Variants in LARP4B observed in about 807,000 individuals in gnomAD.
LARP4B encodes la-related protein 4B.
In LARP4B, 12 loss-of-function variants were observed where a neutral mutation model predicts 89.8. The observed-to-expected ratio is 0.13, with a 90% CI of 0.09 to 0.22. The LOEUF (loss-of-function observed/expected upper bound fraction) is 0.22, where lower values mean the gene tolerates loss of function less well. Ranked by LOEUF, LARP4B falls within the 10% of genes least tolerant of loss-of-function variation. The probability of loss-of-function intolerance (pLI) is 1.00; values close to 1 mark genes in which losing one functional copy is unlikely to be tolerated. For missense variants in LARP4B, 757 were observed against 947.7 expected, an observed-to-expected ratio of 0.80 and a Z score of 2.64; for synonymous variants, 367 against 363.3, an observed-to-expected ratio of 1.01 and a Z score of -0.12.
At chr10:912,708 CAAA>C (rs60998261) in intron 1 of LARP4B, among the ~76,000 whole-genome samples, 5 of 91,244 alleles carry the variant, frequency 5.5e-5, no homozygotes, top group Non-Finnish European at 6.2e-5. Context: ...CTCGTCTTGA[CAAA>C]AAAAAAAAAA....
chr10:862,692 G>A (rs548428189), intron 5 of LARP4B, among the ~76,000 whole-genome samples: 123 of 152,072 alleles, frequency 8.1e-4, no homozygotes, highest in African/African-American at 2.8e-3. Context: ...CTCAGTAGGC[G>A]GAGCTTGCAG....
chr10:884,713 T>A (rs1044442112), intron 2 of LARP4B, among the ~76,000 whole-genome samples: 1 of 152,166 alleles, frequency 6.6e-6, no homozygotes, highest in African/African-American at 2.4e-5. Flanking sequence ...TCTTTGTAGA[T>A]TCAATGGGGA....
At chr10:980,503 C>A in the LARP4B span, among the ~76,000 whole-genome samples, 1 of 152,220 alleles carries the variant, frequency 6.6e-6, no homozygotes. Flanking sequence ...TGGAGGCCAC[C>A]AAGAGTTCTT....
chr10:852,954 G>C (rs1834129504), intron 5 of LARP4B, among the ~76,000 whole-genome samples: 2 of 152,174 alleles, frequency 1.3e-5, no homozygotes, highest in African/African-American at 4.8e-5. Flanking sequence ...ACTTCTGAGA[G>C]AAATTAAAGA....
chr10:910,260 G>T (rs1836632375), intron 1 of LARP4B, among the ~76,000 whole-genome samples: 1 of 152,172 alleles, frequency 6.6e-6, no homozygotes, highest in Non-Finnish European at 1.5e-5. Flanking sequence ...CTAATGGGGT[G>T]TATACTCAGA....
At position 900,420 on chromosome 10, in the gene LARP4B, C is replaced by CTTTTTTTTTTTTTTTTTTTT. The variant is rs529963345; in HGVS notation, c.-39-14680_-39-14661dup. ...ATTCTAGGATCGGAAAGAAGGATGT[C>CTTTTTTTTTTTTTTTTTTTT]TTTTTTTTTTTTTTTTTTTTTTTTT... is the stretch of plus-strand genomic sequence containing the variant. On this transcript the variant is annotated intron_variant, in intron 1 of 17. Coordinates refer to ENST00000316157, the MANE Select transcript of LARP4B (RefSeq NM_015155.3). Among the ~76,000 whole-genome samples, 2 of 45,230 alleles carry CTTTTTTTTTTTTTTTTTTTT rather than the reference C, an allele frequency of 4.4e-5. 1 individual carries two copies. Among genetic ancestry groups the CTTTTTTTTTTTTTTTTTTTT allele is most frequent in the African/African-American group, 1.7e-4 (2 of 11,554 alleles). The allele number at this position is 45,230 out of a possible 152,430, so 29.7% of individuals were successfully genotyped here.
intron 1 of LARP4B, among the ~76,000 whole-genome samples, chr10:886,221 C>T (rs962554737): frequency 1.3e-5 from 2 of 152,096 alleles, no homozygotes; most frequent in African/African-American, 4.8e-5. Context: ...CGAAAAGGTG[C>T]TCGGCATCAC....
the LARP4B span, among the ~76,000 whole-genome samples, chr10:945,677 G>T: frequency 7.1e-6 from 1 of 140,004 alleles, no homozygotes; most frequent in Non-Finnish European, 1.5e-5. Flanking sequence ...AACAGAGCGA[G>T]ACTCCGTCTC....
intron 1 of LARP4B, among the ~76,000 whole-genome samples, chr10:907,334 G>A (rs1448109726): frequency 3.3e-5 from 5 of 152,086 alleles, no homozygotes; most frequent in South Asian, 2.1e-4. Flanking sequence ...TCCAAAGAAC[G>A]GCCTCTGCTG....
chr10:920,190 C>T lies in LARP4B; in HGVS notation c.-40+11238G>A, dbSNP rs529621294. Among the ~76,000 whole-genome samples, 14 of 152,320 alleles carry T rather than the reference C, an allele frequency of 9.2e-5. 1 individual carries two copies. The South Asian group carries it at 1.4e-3, about 16-fold the overall frequency. ...AGTAAACTCTGCAATTACAGTGCAA[C>T]GGGATGCTGGACTTAAAGAGGAGGC... On this transcript the variant is annotated intron_variant, in intron 1 of 17. Transcript: ENST00000316157.
chr10:969,235 A>G, the LARP4B span, among the ~76,000 whole-genome samples: 1 of 152,188 alleles, frequency 6.6e-6, no homozygotes, highest in Non-Finnish European at 1.5e-5. Flanking sequence ...AGGCAGTGAC[A>G]ACCTGTATTG....
the LARP4B span, among the ~76,000 whole-genome samples, chr10:975,163 GA>G: frequency 2.0e-5 from 3 of 152,358 alleles, no homozygotes. Context: ...TTACTTTCAT[GA>G]TTTTATAGGT....
chr10:861,007 T>C (rs1334657774), intron 5 of LARP4B, among the ~76,000 whole-genome samples: 1 of 151,968 alleles, frequency 6.6e-6, no homozygotes, highest in Non-Finnish European at 1.5e-5. Context: ...ATACAAACAA[T>C]TAGCCGGGTG....
At chr10:860,127 T>TGGGGGGGGG (rs60607691) in intron 5 of LARP4B, among the ~76,000 whole-genome samples, 23 of 96,140 alleles carry the variant, frequency 2.4e-4, no homozygotes, top group African/African-American at 2.9e-4. Context: ...TGTGTGGGGG[T>TGGGGGGGGG]GGGGGGGAGG....
chr10:971,373 T>A, the LARP4B span: 1 of 152,130 alleles, frequency 6.6e-6, no homozygotes, highest in Non-Finnish European at 1.5e-5. Flanking sequence ...TCCTTACATG[T>A]AGAATGTGGA....
intron 11 of LARP4B, among the ~76,000 whole-genome samples, chr10:828,661 T>C (rs1026556097): frequency 9.9e-5 from 15 of 152,212 alleles, no homozygotes; most frequent in African/African-American, 3.4e-4. Flanking sequence ...CTATGTATGC[T>C]ACCCTTCAAT....
chr10:909,072 AT>A (rs1257706259), intron 1 of LARP4B, among the ~76,000 whole-genome samples: 3 of 152,272 alleles, frequency 2.0e-5, no homozygotes, highest in Non-Finnish European at 4.4e-5. Flanking sequence ...AGGCGGGCAG[AT>A]CACAAGGTCA....
chr10:969,452 C>T, the LARP4B span, among the ~76,000 whole-genome samples: 5 of 151,994 alleles, frequency 3.3e-5, no homozygotes, highest in Non-Finnish European at 7.4e-5. Flanking sequence ...AGAAAAGGCT[C>T]GGCACGGTGG....
At chr10:831,960 C>G (rs995052473) in intron 8 of LARP4B, among the ~76,000 whole-genome samples, 12 of 152,320 alleles carry the variant, frequency 7.9e-5, no homozygotes, top group Admixed American at 7.8e-4. Context: ...AACACATTTA[C>G]TGCATATATA....
Sources: gnomAD v4.1 joint callset for allele counts (sites outside exome capture counted in the v4.1 genomes callset) on GRCh38, gnomAD v4.1.1 for gene constraint, MANE v1.5 for transcripts, NCBI Gene and HGNC (gene_info 2026-07-23, HGNC 2026-07-21) for gene names.